The following LRRC66 variants were observed in gnomAD, a reference collection of about 807,000 sequenced individuals.
The protein encoded by LRRC66 is leucine rich repeat containing 66, also known as leucine-rich repeat-containing protein 66.
Under a neutral mutation model 24.6 loss-of-function variants are expected in LRRC66, and 29 were observed. That is an observed-to-expected ratio of 1.18 (90% CI 0.88 to 1.61). The LOEUF (loss-of-function observed/expected upper bound fraction) is 1.61. LRRC66 is among the 40% of genes most tolerant of loss of function. The pLI is 0.00. For synonymous variants in LRRC66, 411 were observed against 397.6 expected (o/e 1.03, Z -0.40); for missense variants, 1,124 against 1,058.0 (o/e 1.06, Z -0.87).
At chr4:52,018,011 T>C in intron 1 of LRRC66, 23 of 985,456 alleles carry the variant, frequency 2.3e-5, no homozygotes, top group Non-Finnish European at 2.8e-5. Context: ...ATTATGCTTA[T>C]CTACAACATA....
Position 52,003,343 on chromosome 4 carries a change from C to G in LRRC66, c.546G>C (p.Gly182=). The G allele has an allele frequency of 6.2e-7, 1 of 1,613,760 alleles. No individual in the cohort carries two copies. The highest frequency in any genetic ancestry group is 2.2e-5 in the East Asian group (1 of 44,836). ...SLQSLDLSFN[G]ILQIGWSDFH... ...AATCAGACCACCCTATTTGCAATAT[C>G]CCATTGAATGACAGATCCAAACTCT... is the stretch of plus-strand genomic sequence containing the variant. Residue 182 remains glycine (G), a synonymous_variant, in exon 3 of 5, where the codon GGG becomes GGC. Coordinates refer to ENST00000682860, the MANE Select transcript of LRRC66 (RefSeq NM_001024611.3).
chr4:52,003,271 C>G lies in LRRC66; in HGVS notation c.618G>C (p.Lys206Asn), dbSNP rs765596889. Reference protein sequence around the residue: ...QLENLCLKSNKIFKIPPQAFK... With the variant: ...QLENLCLKSNNIFKIPPQAFK... ...AGGCTTGTGGGGGAATTTTGAATAT[C>G]TTGTTGCTCTTTAAACAGAGATTCT... Residue 206 changes from lysine (K) to asparagine (N), a missense_variant, in exon 3 of 5, where the codon AAG becomes AAC. Transcript: ENST00000682860. The G allele has an allele frequency of 6.2e-7, 1 of 1,613,720 alleles. No individual in the cohort carries two copies. The highest frequency in any genetic ancestry group is 8.5e-7 in the Non-Finnish European group (1 of 1,179,894).
Position 51,995,939 on chromosome 4 carries a change from A to G in LRRC66, c.1083T>C (p.Asp361=), listed in dbSNP as rs970757929. 6 of 1,613,954 alleles carry G rather than the reference A, an allele frequency of 3.7e-6. No homozygotes were observed. In the African/African-American group the frequency reaches 8.0e-5, roughly 22 times the overall value. ...RLPRSVRSTR[D]VQAAGKKEDA... is the part of the protein sequence containing the mutation. ...CCTCTTTTTTGCCGGCAGCCTGCAC[A>G]TCGCGGGTGCTTCTAACACTCCTTG... Residue 361 remains aspartate, a synonymous_variant, in exon 5 of 5, where the codon GAT becomes GAC. Coordinates refer to ENST00000682860, the MANE Select transcript of LRRC66 (RefSeq NM_001024611.3).
At chr4:52,014,109 C>T (rs1391931809) in intron 2 of LRRC66, among the ~76,000 whole-genome samples, 4 of 152,034 alleles carry the variant, frequency 2.6e-5, no homozygotes, top group Non-Finnish European at 5.9e-5. Context: ...CAAAATTAGC[C>T]GGGCTGGTGG....
At chr4:52,017,981 A>G (rs1428582751) in intron 1 of LRRC66, 1 of 985,334 alleles carries the variant, frequency 1.0e-6, no homozygotes, top group African/African-American at 1.7e-5. Context: ...TTTGCAGGCC[A>G]TTAATACAGA....
In LRRC66 at chr4:51,996,148, C is replaced by G. The variant is rs747783801; in HGVS notation, c.874G>C (p.Gly292Arg). The change falls in exon 5 of 5, where the codon GGG becomes CGG. Residue 292 changes from glycine to arginine, a missense_variant. Physicochemically the swap from Gly to Arg is moderately radical, Grantham distance 125 (BLOSUM62 -2). Transcript: ENST00000682860. Reference sequence around the variant, plus strand: ...GAAATCCTGCTCTGGGGAGTGCCCCCGTTGGCCTCCTCACTCCCTGCAAGT... The same window carrying G: ...GAAATCCTGCTCTGGGGAGTGCCCCGGTTGGCCTCCTCACTCCCTGCAAGT... ...NRSIGSEEAN[G>R]GTPQSRISRE... The G allele has an allele frequency of 5.1e-5, 82 of 1,610,526 alleles. No homozygotes were observed. The highest frequency in any genetic ancestry group is 7.0e-5 in the Non-Finnish European group (82 of 1,177,874).
Position 52,003,226 on chromosome 4 carries a change from T to C in LRRC66, c.663A>G (p.Leu221=), listed in dbSNP as rs918292970. 12 of 1,606,122 alleles carry C rather than the reference T, an allele frequency of 7.5e-6. 1 individual carries two copies. The highest frequency in any genetic ancestry group is 2.2e-5 in the East Asian group (1 of 44,806). ...ATTATAAAAATGATTTTAGAACCTG[T>C]AATTTTTTGAGGTCCTTGAAGGCTT... ...PPQAFKDLKK[L]QVIDLSNNAL... Residue 221 remains leucine, a synonymous_variant, in exon 3 of 5, where the codon TTA becomes TTG. Transcript: ENST00000682860.
chr4:52,001,271 A>T (rs7695726), intron 3 of LRRC66, among the ~76,000 whole-genome samples: 2 of 152,014 alleles, frequency 1.3e-5, no homozygotes, highest in African/African-American at 4.8e-5. Context: ...CCAGGGAAGG[A>T]ATCCTTGAGG....
chr4:51,995,527 T>G lies in LRRC66; in HGVS notation c.1495A>C (p.Ser499Arg), dbSNP rs749796479. ...GQCGDNTGAG[S>R]GNDGAVYSIL... ...GAATAGACTGCACCATCATTTCCAC[T>G]TCCTGCCCCGGTGTTGTCCCCGCAC... The change falls in exon 5 of 5, where the codon AGT becomes CGT. Residue 499 changes from serine to arginine, a missense_variant. Ser to Arg is a moderately radical substitution (Grantham distance 110). Transcript: ENST00000682860. 1 of 1,614,172 alleles carries G rather than the reference T, an allele frequency of 6.2e-7. No individual in the cohort carries two copies. The highest frequency in any genetic ancestry group is 8.5e-7 in the Non-Finnish European group (1 of 1,180,018).
In LRRC66 at chr4:52,017,614, A is replaced by C. The variant is rs887833705; in HGVS notation, c.-1T>G. ...TGACTCTGAAATAGAGGTTTTTCAT[A>C]ATGCCTGGAAAAAGGAAAATGAATT... On this transcript the variant is annotated 5_prime_UTR_variant, in exon 2 of 5. The change creates a new upstream start codon in the 5' untranslated region. Coordinates refer to ENST00000682860, the MANE Select transcript of LRRC66 (RefSeq NM_001024611.3). 1 of 1,537,696 alleles carries C rather than the reference A, an allele frequency of 6.5e-7. No homozygotes were observed. Among genetic ancestry groups the C allele is most frequent in the Admixed American group, 2.2e-5 (1 of 45,878 alleles).
chr4:51,994,320 G>C lies in LRRC66; in HGVS notation c.*59C>G. The C allele has an allele frequency of 6.8e-7, 1 of 1,460,690 alleles. No individual in the cohort carries two copies. Among genetic ancestry groups the C allele is most frequent in the Admixed American group, 2.1e-5 (1 of 47,102 alleles). 90.5% of individuals were successfully genotyped at this position (1,460,690 alleles called of 1,614,324 possible). A position where few individuals can be genotyped will look rare whatever the true frequency, so the allele number is the denominator to read the frequency against. On this transcript the variant is annotated 3_prime_UTR_variant, in exon 5 of 5. Coordinates refer to ENST00000682860, the MANE Select transcript of LRRC66 (RefSeq NM_001024611.3). ...GTTGTGAAGGCTTTAGTTTTCCCCT[G>C]CCATGATCTTTAAAAGAATATTGTT...
intron 2 of LRRC66, among the ~76,000 whole-genome samples, chr4:52,009,025 G>T (rs1334267531): frequency 6.6e-6 from 1 of 152,078 alleles, no homozygotes; most frequent in African/African-American, 2.4e-5. Context: ...TATATTACAG[G>T]CAAGTAGTTT....
At chr4:52,020,185 G>C (rs1578121272) in intron 1 of LRRC66, among the ~76,000 whole-genome samples, 119 bp downstream of exon 1, 1 of 152,166 alleles carries the variant, frequency 6.6e-6, no homozygotes, top group East Asian at 1.9e-4. Context: ...ATTATAGAAA[G>C]GAAATGAAGA....
At chr4:52,001,470 A>G (rs1337427052) in intron 3 of LRRC66, among the ~76,000 whole-genome samples, 1 of 152,186 alleles carries the variant, frequency 6.6e-6, no homozygotes, top group Non-Finnish European at 1.5e-5. Flanking sequence ...TGTTTTAACC[A>G]AGAAGTGGGA....
Position 52,017,574 on chromosome 4 carries a change from C to T in LRRC66, c.40G>A (p.Gly14Ser), listed in dbSNP as rs1018128110. Residue 14 changes from glycine to serine, a missense_variant, in exon 2 of 5, where the codon GGT (glycine) becomes AGT (serine). Transcript: ENST00000682860. Reference protein sequence around the residue: ...LYFRVITIVIGLYFTGIMTNA... With the variant: ...LYFRVITIVISLYFTGIMTNA... ...GTCATTATTCCAGTAAAATAAAGAC[C>T]TATAACTATGGTAATGACTCTGAAA... The T allele has an allele frequency of 6.2e-7, 1 of 1,601,008 alleles. No homozygotes were observed. The highest frequency in any genetic ancestry group is 8.5e-7 in the Non-Finnish European group (1 of 1,176,098).
intron 3 of LRRC66, among the ~76,000 whole-genome samples, chr4:52,002,292 C>T (rs953428389): frequency 1.3e-4 from 20 of 152,104 alleles, no homozygotes; most frequent in African/African-American, 2.9e-4. Context: ...ATTGCATGTG[C>T]GGCTCACATT....
Position 52,000,369 on chromosome 4 carries a change from A to C in LRRC66, c.667-2432T>G, listed in dbSNP as rs959330865. On this transcript the variant is annotated intron_variant, in intron 3 of 4. Transcript: ENST00000682860. ...TACTATATACTACCAATTAACTACC[A>C]AGTTAAGTGGACCTTTTCATCTGTC... Among the ~76,000 whole-genome samples, 5 of 152,126 alleles carry C rather than the reference A, an allele frequency of 3.3e-5. No individual in the cohort carries two copies. In the East Asian group the frequency reaches 9.6e-4, roughly 29 times the overall value.
At position 52,017,215 on chromosome 4, in the gene LRRC66, G is replaced by A; in HGVS notation, c.399C>T (p.Ser133=). 1 of 1,614,076 alleles carries A rather than the reference G, an allele frequency of 6.2e-7. No homozygotes were observed. The highest frequency in any genetic ancestry group is 1.1e-5 in the South Asian group (1 of 91,072). ...TGCTTCTGTGGCGTTTCACCCATGA[G>A]GACTTAGGACTGAGTAGATCCAATG... ...SLSLDLLSPK[S]SWVKRHRSSF... is the part of the protein sequence containing the mutation. The change falls in exon 2 of 5, where the codon TCC becomes TCT. Residue 133 remains serine (S), a synonymous_variant. Transcript: ENST00000682860.
intron 3 of LRRC66, among the ~76,000 whole-genome samples, chr4:51,999,787 C>T (rs1395964410): frequency 6.6e-6 from 1 of 152,028 alleles, no homozygotes; most frequent in African/African-American, 2.4e-5. Flanking sequence ...ACCCATCTAC[C>T]AGCATTTGAA....
Sources: gnomAD v4.1 joint callset for allele counts (sites outside exome capture counted in the v4.1 genomes callset) on GRCh38, gnomAD v4.1.1 for gene constraint, MANE v1.5 for transcripts, NCBI Gene and HGNC (gene_info 2026-07-23, HGNC 2026-07-21) for gene names.